Variants in NBEAL2 observed in about 807,000 individuals in gnomAD.
NBEAL2 encodes neurobeachin-like protein 2.
In NBEAL2, 160 loss-of-function variants were observed where a neutral mutation model predicts 299.8. That is an observed-to-expected ratio of 0.53 (90% confidence interval 0.47 to 0.61). The LOEUF is 0.61. Among genes scored for constraint, NBEAL2 ranks in the 20% least tolerant of loss-of-function variants. NBEAL2 has a pLI of 0.00. For missense variants in NBEAL2, 3,112 were observed against 3,649.0 expected, an observed-to-expected ratio of 0.85 and a Z score of 3.79; for synonymous variants, 1,493 against 1,542.3, an observed-to-expected ratio of 0.97 and a Z score of 0.75.
In NBEAL2 at chr3:46,998,988, C is replaced by T. The variant is rs886058597; in HGVS notation, c.3414C>T (p.Ala1138=). The T allele has an allele frequency of 6.2e-7, 1 of 1,607,638 alleles. No homozygotes were observed. The highest frequency in any genetic ancestry group is 8.5e-7 in the Non-Finnish European group (1 of 1,177,312). Residue 1138 remains alanine (A), a synonymous_variant, in exon 24 of 54, where the codon GCC becomes GCT. Transcript: ENST00000450053. ...QAVGALDLLL[A]LLHGSLVQES... The stretch of plus-strand genomic sequence containing the variant: ...TGGGTGCGCTGGACCTGCTGCTGGC[C>T]CTGCTGCACGGTTCCCTGGTGCAGG...
At position 47,005,486 on chromosome 3, in the gene NBEAL2, C is replaced by G. The variant is rs773228079; in HGVS notation, c.6561-3C>G. The G allele has an allele frequency of 6.2e-7, 1 of 1,610,988 alleles. No individual in the cohort carries two copies. The highest frequency in any genetic ancestry group is 8.5e-7 in the Non-Finnish European group (1 of 1,178,740). On this transcript the variant is annotated splice_region_variant and splice_polypyrimidine_tract_variant and intron_variant, in intron 40 of 53. Coordinates refer to ENST00000450053, the MANE Select transcript of NBEAL2 (RefSeq NM_015175.3). ...TCACCTTGGCCCCGTGCCCCTCCCC[C>G]AGCTTTGACTGCTCCGACCGGCAGT...
chr3:47,001,681 T>C lies in NBEAL2; in HGVS notation c.4645-8T>C, dbSNP rs767470695. On this transcript the variant is annotated splice_region_variant and splice_polypyrimidine_tract_variant and intron_variant, in intron 29 of 53. Coordinates refer to ENST00000450053, the MANE Select transcript of NBEAL2 (RefSeq NM_015175.3). This position sits in a 1 kb window ranked among gnomAD's most constrained non-coding sequence, Gnocchi z 6.1. The stretch of plus-strand genomic sequence containing the variant: ...TGATGTCTGTTGGGAACCTGTTTTC[T>C]GTGGCAGCTCTTTGAAGGTGTATGC... 3 of 1,610,332 alleles carry C rather than the reference T, an allele frequency of 1.9e-6. No individual in the cohort carries two copies. Among genetic ancestry groups the C allele is most frequent in the South Asian group, 1.1e-5 (1 of 91,054 alleles).
In NBEAL2 at chr3:47,004,901, T is replaced by C. The variant is rs1203718458; in HGVS notation, c.6295-71T>C. The stretch of plus-strand genomic sequence containing the variant: ...GGCTCTGTGCCCGCCTTCTTGAGGG[T>C]GTGGGCAGGGCAGGGTGGGCTGGTA... On this transcript the variant is annotated intron_variant, in intron 38 of 53. Coordinates refer to ENST00000450053, the MANE Select transcript of NBEAL2 (RefSeq NM_015175.3). The surrounding 1 kb of genome is among the most constrained non-coding windows in gnomAD (Gnocchi z 5.0). 1.3e-6 allele frequency: 2 copies of C among 1,551,312 alleles called. No individual in the cohort carries two copies. The highest frequency in any genetic ancestry group is 1.7e-6 in the Non-Finnish European group (2 of 1,147,450).
At position 46,991,722 on chromosome 3, in the gene NBEAL2, G is replaced by A. The variant is rs751631716; in HGVS notation, c.925+34G>A. The A allele has an allele frequency of 6.3e-6, 10 of 1,580,042 alleles. No homozygotes were observed. The highest frequency in any genetic ancestry group is 1.8e-5 in the Admixed American group (1 of 55,698). On this transcript the variant is annotated intron_variant, in intron 8 of 53. Coordinates refer to ENST00000450053, the MANE Select transcript of NBEAL2 (RefSeq NM_015175.3). This position sits in a 1 kb window ranked among gnomAD's most constrained non-coding sequence, Gnocchi z 6.2. The stretch of plus-strand genomic sequence containing the variant: ...GGGCTCCCAGGCTCTTGGGGAAGGG[G>A]CACCATGAGGGAAAAGCCTAAGTGA...
At chr3:46,981,366 A>G (rs1425905013) in intron 1 of NBEAL2, among the ~76,000 whole-genome samples, 2 of 151,980 alleles carry the variant, frequency 1.3e-5, no homozygotes, top group East Asian at 1.9e-4. Flanking sequence ...CGCTTGAACC[A>G]GGGAGGCAGA....
intron 13 of NBEAL2, 29 bp from the exon 14 acceptor site, chr3:46,995,685 G>A: frequency 6.2e-7 from 1 of 1,611,018 alleles, no homozygotes; most frequent in South Asian, 1.1e-5. Flanking sequence ...GCAGGAACAA[G>A]CAGACATAAC....
rs764547656 is a variant in NBEAL2, at chr3:46,997,026, G to A, written c.2629G>A (p.Val877Met). The A allele has an allele frequency of 4.3e-6, 7 of 1,613,204 alleles. No individual in the cohort carries two copies. Among genetic ancestry groups the A allele is most frequent in the African/African-American group, 1.3e-5 (1 of 74,934 alleles). The change falls in exon 18 of 54, where the codon GTG becomes ATG. Residue 877 changes from valine to methionine, a missense_variant. Transcript: ENST00000450053. The part of the protein sequence containing the change: ...GLDGRLTGHR[V>M]ETWDVKDVVN... ...TGATGGGCGCCTGACGGGCCACAGA[G>A]TGGAGACCTGGGATGTGAAGGTCTG...
intron 1 of NBEAL2, among the ~76,000 whole-genome samples, chr3:46,981,111 C>G (rs180680402): frequency 3.9e-5 from 6 of 152,278 alleles, no homozygotes; most frequent in Non-Finnish European, 7.4e-5. Flanking sequence ...TAACTCAGAT[C>G]GAACTCGACT....
In NBEAL2 at chr3:47,001,515, T is replaced by C. The variant is rs2036988915; in HGVS notation, c.4644+77T>C. On this transcript the variant is annotated intron_variant, in intron 29 of 53. Transcript: ENST00000450053. This position sits in a 1 kb window ranked among gnomAD's most constrained non-coding sequence, Gnocchi z 6.1. Reference sequence around the variant, plus strand: ...GCCTGCAGGGATCTGGTCTGGGAGGTGGATGGGTACACGTGCGCAGGTGTG... The same window carrying C: ...GCCTGCAGGGATCTGGTCTGGGAGGCGGATGGGTACACGTGCGCAGGTGTG... 1.9e-6 allele frequency: 3 copies of C among 1,564,642 alleles called. No homozygotes were observed. In the African/African-American group the frequency reaches 4.1e-5, roughly 21 times the overall value.
At chr3:46,986,603 G>A (rs2035688507) in intron 1 of NBEAL2, among the ~76,000 whole-genome samples, 1 of 152,102 alleles carries the variant, frequency 6.6e-6, no homozygotes, top group South Asian at 2.1e-4. Flanking sequence ...CATTTTGAGT[G>A]ACTAGCTTGA....
rs1047784137 is a variant in NBEAL2, at chr3:47,005,860, C to A, written c.6801+13C>A. On this transcript the variant is annotated intron_variant, in intron 42 of 53. Transcript: ENST00000450053. ...CCGCCAGGCTCTGGTGAGGAAGGAA[C>A]CACAGGCAAACGGCAGGCAGCCGGG... 6.2e-7 allele frequency: 1 copy of A among 1,613,092 alleles called. No individual in the cohort carries two copies. Among genetic ancestry groups the A allele is most frequent in the Non-Finnish European group, 8.5e-7 (1 of 1,179,562 alleles).
Position 46,988,698 on chromosome 3 carries a change from G to A in NBEAL2, c.81G>A (p.Leu27=), listed in dbSNP as rs755157583. The part of the protein sequence containing the change: ...QKDLGYLQQW[L]KAFVGAFKKS... ...ACCTGGGTTACCTGCAGCAGTGGCTGAAGGCCTTTGTAGGTGCCTTCAAGA... is the reference window on the plus strand; with the variant it reads ...ACCTGGGTTACCTGCAGCAGTGGCTAAAGGCCTTTGTAGGTGCCTTCAAGA... The change falls in exon 2 of 54, where the codon CTG becomes CTA. Residue 27 remains leucine, a synonymous_variant. Transcript: ENST00000450053. The surrounding 1 kb of genome is among the most constrained non-coding windows in gnomAD (Gnocchi z 4.4). 2.5e-6 allele frequency: 4 copies of A among 1,613,942 alleles called. No individual in the cohort carries two copies. The highest frequency in any genetic ancestry group is 2.5e-6 in the Non-Finnish European group (3 of 1,179,832).
At chr3:46,994,129 A>AGG in intron 11 of NBEAL2, 109 bp downstream of exon 11, 2 of 1,181,128 alleles carry the variant, frequency 1.7e-6, no homozygotes, top group Non-Finnish European at 2.4e-6. Flanking sequence ...TCCCTGGAGC[A>AGG]AAGCAGGCGA....
In NBEAL2 at chr3:46,991,945, A is replaced by G. The variant is rs903364181; in HGVS notation, c.1031A>G (p.Lys344Arg). 2.5e-6 allele frequency: 4 copies of G among 1,592,548 alleles called. No individual in the cohort carries two copies. In the African/African-American group the frequency reaches 4.0e-5, roughly 16 times the overall value. The change falls in exon 9 of 54, where the codon AAG becomes AGG. Residue 344 changes from lysine (K) to arginine (R), a missense_variant and splice_region_variant. Lys to Arg is a conservative substitution (Grantham distance 26). This residue lies in a region of NBEAL2 where 2,243 missense variants were observed against 2,538.1 expected (regional missense o/e 0.88). Transcript: ENST00000450053. This position sits in a 1 kb window ranked among gnomAD's most constrained non-coding sequence, Gnocchi z 6.2. Reference protein sequence around the residue: ...EHLTRLIQNSKLYLQSRAPPE... With the variant: ...EHLTRLIQNSRLYLQSRAPPE... ...CTCACTCGGCTCATTCAGAACAGCA[A>G]GGTGGGTAGGGCCCAGCCTGGGGGT...
intron 11 of NBEAL2, 34 bp from the exon 12 acceptor site, chr3:46,994,421 T>C (rs1559592851): frequency 6.5e-7 from 1 of 1,547,234 alleles, no homozygotes; most frequent in Non-Finnish European, 8.8e-7. Context: ...GGCCCATGTA[T>C]GTGTTCACTT....
Position 47,003,696 on chromosome 3 carries a change from C to T in NBEAL2, c.5721-120C>T. 3.8e-6 allele frequency: 5 copies of T among 1,320,352 alleles called. No homozygotes were observed. The allele number at this position is 1,320,352 out of a possible 1,614,324, so 81.8% of individuals were successfully genotyped here. On this transcript the variant is annotated intron_variant, in intron 35 of 53. Transcript: ENST00000450053. This position sits in a 1 kb window ranked among gnomAD's most constrained non-coding sequence, Gnocchi z 7.0. Reference sequence around the variant, plus strand: ...GGTTCTGGACCCTAGGCAGCCCCTCCCCATCTCTGGGAGTCATGAGAGTAT... The same window carrying T: ...GGTTCTGGACCCTAGGCAGCCCCTCTCCATCTCTGGGAGTCATGAGAGTAT...
intron 6 of NBEAL2, among the ~76,000 whole-genome samples, chr3:46,990,285 G>A (rs548331727): frequency 1.3e-3 from 200 of 152,244 alleles, no homozygotes; most frequent in African/African-American, 4.6e-3. Flanking sequence ...GGAGCTCCTC[G>A]ACTTTATTTT....
chr3:47,003,116 C>G lies in NBEAL2; in HGVS notation c.5584+35C>G. ...TGTGCTGAGATGGGTCCACCCAACT[C>G]GATTGTCCCGTCTCCTGTCCTGCCT... On this transcript the variant is annotated intron_variant, in intron 34 of 53. Coordinates refer to ENST00000450053, the MANE Select transcript of NBEAL2 (RefSeq NM_015175.3). This position sits in a 1 kb window ranked among gnomAD's most constrained non-coding sequence, Gnocchi z 7.0. The G allele has an allele frequency of 1.2e-6, 2 of 1,610,678 alleles. No homozygotes were observed. Among genetic ancestry groups the G allele is most frequent in the South Asian group, 1.1e-5 (1 of 90,890 alleles).
intron 26 of NBEAL2, 24 bp downstream of exon 26, chr3:46,999,739 TGGGGGA>T (rs1367910616): frequency 6.2e-7 from 1 of 1,607,290 alleles, no homozygotes; most frequent in Non-Finnish European, 8.5e-7. Context: ...GTAAAAGCTT[TGGGGGA>T]GGGGGAGGGT....
Sources: gnomAD v4.1 joint callset for allele counts (sites outside exome capture counted in the v4.1 genomes callset) on GRCh38, gnomAD v4.1.1 for gene constraint, gnomAD v4.1.1 regional missense constraint, Gnocchi (gnomAD v3.1) non-coding constraint, MANE v1.5 for transcripts, NCBI Gene and HGNC (gene_info 2026-07-23, HGNC 2026-07-21) for gene names.